Variants in PRKX observed in about 807,000 individuals in gnomAD.
PRKX encodes the protein cAMP-dependent protein kinase catalytic subunit PRKX.
A neutral mutation model predicts 22.0 loss-of-function variants in PRKX; 12 were observed. The observed-to-expected ratio is 0.54, with a 90% CI of 0.35 to 0.88. The LOEUF is 0.88. Ranked by LOEUF, PRKX falls within the 40% of genes least tolerant of loss-of-function variation. The pLI, the probability that PRKX is intolerant of heterozygous loss-of-function variation, is 0.01. For synonymous variants in PRKX, 134 were observed against 137.7 expected (o/e 0.97, Z 0.19); for missense variants, 217 against 308.0 (o/e 0.70, Z 2.21).
chrX:3,713,407 G>C lies in PRKX; in HGVS notation c.-154C>G, dbSNP rs946260419. 23 of 403,361 alleles carry C rather than the reference G, an allele frequency of 5.7e-5. 1 individual carries two copies. In the African/African-American group the frequency reaches 5.8e-4, roughly 10 times the overall value. The allele number at this position is 403,361 out of a possible 1,213,427, so 33.2% of individuals were successfully genotyped here. A position where few individuals can be genotyped will look rare whatever the true frequency, so the allele number is the denominator to read the frequency against. On this transcript the variant is annotated 5_prime_UTR_variant, in exon 1 of 9. Coordinates refer to ENST00000262848, the MANE Select transcript of PRKX (RefSeq NM_005044.5). Reference sequence around the variant, plus strand: ...TCCTGGTGCGCGGTCCGGCGCGGCTGACGGAGCGACGGGGACAATGGCTGG... The same window carrying C: ...TCCTGGTGCGCGGTCCGGCGCGGCTCACGGAGCGACGGGGACAATGGCTGG...
chrX:3,692,976 A>G (rs1004407049), intron 1 of PRKX, among the ~76,000 whole-genome samples: 4 of 111,498 alleles, frequency 3.6e-5, no homozygotes, highest in Middle Eastern at 4.6e-3. Context: ...TGAACACAAA[A>G]TAGCTTTTGG....
intron 2 of PRKX, among the ~76,000 whole-genome samples, chrX:3,662,832 C>A (rs1260079421): frequency 1.9e-5 from 2 of 106,936 alleles, no homozygotes; most frequent in African/African-American, 6.8e-5. Flanking sequence ...CATAGCAAGA[C>A]CCCCAAAATT....
At chrX:3,672,506 G>A (rs145076660) in intron 2 of PRKX, among the ~76,000 whole-genome samples, 1,838 of 110,801 alleles carry the variant, frequency 0.017, 41 homozygotes, top group African/African-American at 0.057. Context: ...ATTCCATCCT[G>A]GGGAATTCTC....
intron 4 of PRKX, among the ~76,000 whole-genome samples, chrX:3,629,714 G>A (rs1211374309): frequency 8.9e-6 from 1 of 111,745 alleles, no homozygotes; most frequent in Non-Finnish European, 1.9e-5. Flanking sequence ...GAGTGCAGTG[G>A]TGCAATCATA....
chrX:3,633,256 GAAAAAAAAA>G (rs373830482), intron 4 of PRKX, among the ~76,000 whole-genome samples: 5 of 59,002 alleles, frequency 8.5e-5, no homozygotes, highest in East Asian at 5.6e-4. Flanking sequence ...TGTCTCAAAA[GAAAAAAAAA>G]AAAAACAAAA....
intron 3 of PRKX, among the ~76,000 whole-genome samples, chrX:3,650,607 G>A (rs767026581): frequency 2.7e-5 from 3 of 109,378 alleles, no homozygotes; most frequent in Admixed American, 9.8e-5. Context: ...GGCCGGGCAC[G>A]GTGGCTCACG....
At chrX:3,613,194 A>G (rs1188006455) in intron 7 of PRKX, among the ~76,000 whole-genome samples, 1 of 102,476 alleles carries the variant, frequency 9.8e-6, no homozygotes, top group Non-Finnish European at 2.0e-5. Flanking sequence ...AAAATGAGGA[A>G]GCTAGCCAGG....
intron 3 of PRKX, among the ~76,000 whole-genome samples, chrX:3,651,026 AG>A (rs1927320349): frequency 9.1e-6 from 1 of 109,725 alleles, no homozygotes; most frequent in South Asian, 3.9e-4. Flanking sequence ...AATCAGAGGC[AG>A]GGCCATGTAT....
intron 8 of PRKX, among the ~76,000 whole-genome samples, chrX:3,610,724 GTTCT>G (rs1365262561): frequency 2.7e-5 from 3 of 110,756 alleles, no homozygotes; most frequent in Non-Finnish European, 5.7e-5. Context: ...AAGCTTTTTT[GTTCT>G]TTAAGTAAAT....
chrX:3,671,872 C>T (rs1175696323), intron 2 of PRKX, among the ~76,000 whole-genome samples: 3 of 110,949 alleles, frequency 2.7e-5, no homozygotes, highest in African/African-American at 9.8e-5. Flanking sequence ...CCTGTAATCC[C>T]AGCATGTCAG....
intron 1 of PRKX, among the ~76,000 whole-genome samples, chrX:3,702,704 T>C (rs1169283637): frequency 1.0e-5 from 1 of 98,762 alleles, no homozygotes; most frequent in Non-Finnish European, 2.0e-5. Flanking sequence ...TTTTTTTTTT[T>C]TTTAATTGAG....
At chrX:3,688,720 T>G (rs1453642046) in intron 1 of PRKX, among the ~76,000 whole-genome samples, 1 of 109,987 alleles carries the variant, frequency 9.1e-6, no homozygotes, top group African/African-American at 3.3e-5. Flanking sequence ...TTTTTTTTAA[T>G]GAGCCGGGTG....
intron 2 of PRKX, among the ~76,000 whole-genome samples, chrX:3,674,121 C>T (rs928059302): frequency 7.2e-5 from 8 of 111,234 alleles, no homozygotes; most frequent in Non-Finnish European, 1.5e-4. Flanking sequence ...TGTGTACCAT[C>T]AGCTGGAAGT....
chrX:3,637,534 C>T (rs1014526722), intron 4 of PRKX, among the ~76,000 whole-genome samples: 29 of 110,939 alleles, frequency 2.6e-4, no homozygotes, highest in African/African-American at 7.2e-4. Flanking sequence ...GAGTTGGGGT[C>T]GGCGAAGCTG....
chrX:3,615,011 A>ATTTTTTTTTTTTTTTTTTTTTTTTTTTT (rs761643511), intron 7 of PRKX, among the ~76,000 whole-genome samples: 1 of 59,762 alleles, frequency 1.7e-5, no homozygotes, highest in Non-Finnish European at 2.8e-5. Context: ...AAAATGCCAG[A>ATTTTTTTTTTTTTTTTTTTTTTTTTTTT]TTTTTTTTTT....
At chrX:3,680,396 G>A (rs559329437) in intron 1 of PRKX, among the ~76,000 whole-genome samples, 6 of 110,653 alleles carry the variant, frequency 5.4e-5, no homozygotes, top group South Asian at 3.9e-4. Flanking sequence ...CACCCACCTC[G>A]GCCTCCCAAA....
chrX:3,677,487 C>A (rs1399040352), intron 1 of PRKX, among the ~76,000 whole-genome samples: 1 of 107,129 alleles, frequency 9.3e-6, no homozygotes, highest in East Asian at 2.9e-4. Context: ...CCACCAAGGG[C>A]GGATAATTTT....
At chrX:3,659,717 G>GTTTTT (rs369338597) in intron 2 of PRKX, among the ~76,000 whole-genome samples, 1 of 28,039 alleles carries the variant, frequency 3.6e-5, no homozygotes, top group Non-Finnish European at 6.1e-5. Context: ...TGTTTTTTTT[G>GTTTTT]TTTTTTTTTT....
chrX:3,605,950 G>C lies in PRKX; in HGVS notation c.*3019C>G, dbSNP rs916339462. ...GACTTCTGTTGCGAAGGAATTAGAA[G>C]AATTCAGTAGAGACAGTGTATACTA... On this transcript the variant is annotated 3_prime_UTR_variant, in exon 9 of 9. Coordinates refer to ENST00000262848, the MANE Select transcript of PRKX (RefSeq NM_005044.5). 1 of 112,356 alleles carries C rather than the reference G, an allele frequency of 8.9e-6. No individual in the cohort carries two copies. Among genetic ancestry groups the C allele is most frequent in the Non-Finnish European group, 1.9e-5 (1 of 53,336 alleles). The allele number at this position is 112,356 out of a possible 1,213,427, so 9.3% of individuals were successfully genotyped here.
Sources: gnomAD v4.1 joint callset for allele counts (sites outside exome capture counted in the v4.1 genomes callset) on GRCh38, gnomAD v4.1.1 for gene constraint, MANE v1.5 for transcripts, NCBI Gene and HGNC (gene_info 2026-07-23, HGNC 2026-07-21) for gene names.